LDB2: variants seen among roughly 807,000 people sequenced by gnomAD.
The protein encoded by LDB2 is LIM domain binding 2.
A neutral mutation model predicts 44.3 loss-of-function variants in LDB2; 12 were observed. The observed-to-expected ratio is 0.27, with a 90% CI of 0.17 to 0.44. LDB2 has a LOEUF of 0.44. LDB2 is among the 20% of genes least tolerant of loss of function. The probability of loss-of-function intolerance (pLI) is 1.00; values close to 1 mark genes in which losing one functional copy is unlikely to be tolerated. For missense variants in LDB2, 344 were observed against 473.5 expected, an observed-to-expected ratio of 0.73 and a Z score of 2.54; for synonymous variants, 164 against 174.8, an observed-to-expected ratio of 0.94 and a Z score of 0.49.
At chr4:16,676,149 G>A (rs190451925) in intron 2 of LDB2, among the ~76,000 whole-genome samples, 109 of 152,130 alleles carry the variant, frequency 7.2e-4, no homozygotes, top group Non-Finnish European at 1.4e-3. Flanking sequence ...AGGAGAGGTT[G>A]TGTGTGTGTG....
chr4:16,524,469 G>GAAATATAC (rs1727474585), intron 5 of LDB2, among the ~76,000 whole-genome samples: 1 of 152,134 alleles, frequency 6.6e-6, no homozygotes, highest in African/African-American at 2.4e-5. Flanking sequence ...TCAGGCAGAG[G>GAAATATAC]AAATATACGT....
At chr4:16,774,024 G>A (rs933105452) in intron 1 of LDB2, among the ~76,000 whole-genome samples, 160 of 150,994 alleles carry the variant, frequency 1.1e-3, no homozygotes, top group African/African-American at 3.5e-3. Flanking sequence ...GCGTGCTGGC[G>A]CATGCCTATA....
chr4:16,817,793 C>T (rs1040935002), intron 1 of LDB2, among the ~76,000 whole-genome samples: 9 of 152,010 alleles, frequency 5.9e-5, no homozygotes, highest in Admixed American at 1.3e-4. Flanking sequence ...AAGTATCGAG[C>T]GCAAGGAGTC....
intron 7 of LDB2, among the ~76,000 whole-genome samples, chr4:16,504,916 G>A (rs1718759890): frequency 6.6e-6 from 1 of 152,216 alleles, no homozygotes; most frequent in Admixed American, 6.5e-5. Context: ...GAAAACACAT[G>A]CGTAAGGCGT....
intron 2 of LDB2, among the ~76,000 whole-genome samples, chr4:16,739,441 C>T (rs2108991960): frequency 6.7e-6 from 1 of 149,334 alleles, no homozygotes; most frequent in East Asian, 2.0e-4. Context: ...CAAAAATGAG[C>T]CAGATGTGCT....
At chr4:16,709,577 A>G (rs1755405563) in intron 2 of LDB2, among the ~76,000 whole-genome samples, 1 of 152,216 alleles carries the variant, frequency 6.6e-6, no homozygotes, top group Non-Finnish European at 1.5e-5. Flanking sequence ...GTAGGGTAAG[A>G]ACCTTCTGTA....
chr4:16,662,856 C>T lies in LDB2; in HGVS notation c.236-66981G>A, dbSNP rs568998738. On this transcript the variant is annotated intron_variant, in intron 2 of 7. Transcript: ENST00000304523. Reference sequence around the variant, plus strand: ...TCTTTTTCCTTACAAATTACCGTCTCGGGGGCTTCTTCATTGTAATATGAA... The same window carrying T: ...TCTTTTTCCTTACAAATTACCGTCTTGGGGGCTTCTTCATTGTAATATGAA... Among the ~76,000 whole-genome samples, 8 of 151,816 alleles carry T rather than the reference C, an allele frequency of 5.3e-5. 1 individual carries two copies. In the South Asian group the frequency reaches 8.4e-4, roughly 16 times the overall value.
chr4:16,646,695 T>A (rs576972230), intron 2 of LDB2, among the ~76,000 whole-genome samples: 1 of 152,326 alleles, frequency 6.6e-6, no homozygotes, highest in South Asian at 2.1e-4. Flanking sequence ...TCCTTGTAGG[T>A]ACTGAGATTT....
intron 3 of LDB2, among the ~76,000 whole-genome samples, chr4:16,593,316 T>A (rs982778714): frequency 1.3e-5 from 2 of 152,192 alleles, no homozygotes; most frequent in Admixed American, 1.3e-4. Context: ...GGACCCTTTT[T>A]CTTTGTAAAA....
chr4:16,821,746 CAAAA>C (rs562184189), intron 1 of LDB2, among the ~76,000 whole-genome samples: 33 of 61,734 alleles, frequency 5.3e-4, no homozygotes, highest in Admixed American at 2.4e-3. Context: ...AACATTAAAG[CAAAA>C]AAAAAAAAAA....
intron 1 of LDB2, among the ~76,000 whole-genome samples, chr4:16,799,407 G>C (rs1041177640): frequency 1.2e-4 from 18 of 152,168 alleles, no homozygotes; most frequent in African/African-American, 4.3e-4. Context: ...AGTCACTCAC[G>C]GGATATAAGC....
chr4:16,706,666 C>T (rs1014882157), intron 2 of LDB2, among the ~76,000 whole-genome samples: 9 of 152,128 alleles, frequency 5.9e-5, no homozygotes, highest in African/African-American at 2.2e-4. Context: ...TTGATAGAAA[C>T]AGAGTTCTTC....
At chr4:16,613,771 A>G (rs1578208419) in intron 2 of LDB2, among the ~76,000 whole-genome samples, 1 of 152,210 alleles carries the variant, frequency 6.6e-6, no homozygotes, top group Non-Finnish European at 1.5e-5. Context: ...ATAAGAGAGG[A>G]CACAAACAAA....
intron 5 of LDB2, among the ~76,000 whole-genome samples, chr4:16,580,483 T>C (rs1713934676): frequency 6.6e-6 from 1 of 152,202 alleles, no homozygotes; most frequent in East Asian, 1.9e-4. Flanking sequence ...GCAGACTTAC[T>C]TGTAACAGTA....
intron 2 of LDB2, among the ~76,000 whole-genome samples, chr4:16,687,351 G>A (rs1445356937): frequency 2.6e-5 from 4 of 152,034 alleles, no homozygotes; most frequent in Non-Finnish European, 5.9e-5. Context: ...TCTCTCTCTC[G>A]CTCTCTACTC....
At chr4:16,613,237 C>A (rs1044329226) in intron 2 of LDB2, among the ~76,000 whole-genome samples, 4 of 152,146 alleles carry the variant, frequency 2.6e-5, no homozygotes, top group South Asian at 2.1e-4. Flanking sequence ...CTATTTATAA[C>A]AAACCTACAG....
chr4:16,624,762 C>T (rs1729838480), intron 2 of LDB2, among the ~76,000 whole-genome samples: 1 of 152,162 alleles, frequency 6.6e-6, no homozygotes, highest in East Asian at 1.9e-4. Context: ...GTCTCTTCCA[C>T]ATTATAAATG....
At chr4:16,642,229 C>T (rs1275782180) in intron 2 of LDB2, among the ~76,000 whole-genome samples, 2 of 152,082 alleles carry the variant, frequency 1.3e-5, no homozygotes, top group Admixed American at 6.5e-5. Context: ...TGAGATCATG[C>T]CTACATTACT....
At chr4:16,821,272 T>C (rs746254365) in intron 1 of LDB2, among the ~76,000 whole-genome samples, 26 of 152,242 alleles carry the variant, frequency 1.7e-4, no homozygotes, top group South Asian at 4.1e-4. Flanking sequence ...AGAGTTTCAG[T>C]GCAAGTTTTG....
Sources: gnomAD v4.1 joint callset for allele counts (sites outside exome capture counted in the v4.1 genomes callset) on GRCh38, gnomAD v4.1.1 for gene constraint, MANE v1.5 for transcripts, NCBI Gene and HGNC (gene_info 2026-07-23, HGNC 2026-07-21) for gene names.